TLL1: variants seen among roughly 807,000 people sequenced by gnomAD.
The protein encoded by TLL1 is tolloid-like protein 1.
A neutral mutation model predicts 128.2 loss-of-function variants in TLL1; 49 were observed. The observed-to-expected ratio is 0.38, with a 90% CI of 0.30 to 0.48. TLL1 has a LOEUF of 0.48. Ranked by LOEUF, TLL1 falls within the 20% of genes least tolerant of loss-of-function variation. TLL1 has a pLI of 0.96. For missense variants in TLL1, 1,123 were observed against 1,242.0 expected (o/e 0.90, Z 1.44); for synonymous variants, 454 against 418.8 (o/e 1.08, Z -1.03).
intron 1 of TLL1, among the ~76,000 whole-genome samples, chr4:165,940,514 C>T (rs1733957110): frequency 6.6e-6 from 1 of 151,896 alleles, no homozygotes; most frequent in African/African-American, 2.4e-5. Context: ...CACACACTGA[C>T]ACATATATAT....
intron 8 of TLL1, among the ~76,000 whole-genome samples, chr4:166,020,642 A>G (rs1738178932): frequency 6.6e-6 from 1 of 152,004 alleles, no homozygotes; most frequent in Admixed American, 6.6e-5. Context: ...TAATTTAACT[A>G]TTCTTTTGTT....
intron 5 of TLL1, among the ~76,000 whole-genome samples, chr4:165,997,381 AT>A (rs1156233697): frequency 6.6e-6 from 1 of 152,162 alleles, no homozygotes; most frequent in Non-Finnish European, 1.5e-5. Context: ...ATCTAGTGTA[AT>A]TGTTCATTGA....
Position 165,903,195 on chromosome 4 carries a change from G to A in TLL1, c.169+29122G>A, listed in dbSNP as rs186305537. Among the ~76,000 whole-genome samples the A allele has an allele frequency of 3.1e-3, 464 of 151,996 alleles. 2 individuals are homozygous for A. Among genetic ancestry groups the A allele is most frequent in the African/African-American group, 0.011 (447 of 41,508 alleles). On this transcript the variant is annotated intron_variant, in intron 1 of 20. Coordinates refer to ENST00000061240, the MANE Select transcript of TLL1 (RefSeq NM_012464.5). ...CTCTAGTAAAATACAAAAATTAGCT[G>A]GGTGTGGTGGTGCATGCCCGTGGTC...
At chr4:165,940,611 A>T (rs1733962484) in intron 1 of TLL1, among the ~76,000 whole-genome samples, 1 of 152,006 alleles carries the variant, frequency 6.6e-6, no homozygotes, top group Non-Finnish European at 1.5e-5. Flanking sequence ...TTATTTCTTA[A>T]TTGTTCAAAA....
chr4:165,990,624 G>A (rs1295608702), intron 2 of TLL1, among the ~76,000 whole-genome samples: 5 of 151,852 alleles, frequency 3.3e-5, no homozygotes, highest in Middle Eastern at 3.4e-3. Context: ...ACATGCATAC[G>A]TGTGTTTAAA....
intron 1 of TLL1, among the ~76,000 whole-genome samples, chr4:165,984,212 G>A (rs1736294122): frequency 6.6e-6 from 1 of 151,624 alleles, no homozygotes; most frequent in Non-Finnish European, 1.5e-5. Flanking sequence ...AAATATGTTT[G>A]TATTTATTTT....
At chr4:165,891,118 G>T (rs541160581) in intron 1 of TLL1, among the ~76,000 whole-genome samples, 2 of 152,276 alleles carry the variant, frequency 1.3e-5, no homozygotes, top group South Asian at 4.1e-4. Context: ...TCAGATGCAA[G>T]TCACTAAGTG....
intron 1 of TLL1, among the ~76,000 whole-genome samples, chr4:165,918,402 G>T (rs1287725744): frequency 6.6e-6 from 1 of 152,022 alleles, no homozygotes; most frequent in Non-Finnish European, 1.5e-5. Flanking sequence ...AACACTTGCT[G>T]CACGTTAAAA....
chr4:165,995,373 A>G (rs925085570), intron 5 of TLL1, among the ~76,000 whole-genome samples, 195 bp downstream of exon 5: 1 of 152,156 alleles, frequency 6.6e-6, no homozygotes, highest in Non-Finnish European at 1.5e-5. Context: ...ATCTACTGCA[A>G]GTGTATTCTT....
At chr4:166,041,980 A>G (rs368837990) in intron 10 of TLL1, 47 bp from the exon 11 acceptor site, 10 of 1,294,830 alleles carry the variant, frequency 7.7e-6, no homozygotes, top group African/African-American at 1.5e-5. Context: ...AACGTAGAAT[A>G]TAGAGTCCTA....
chr4:165,980,012 C>T (rs143684579), intron 1 of TLL1, among the ~76,000 whole-genome samples: 5 of 152,170 alleles, frequency 3.3e-5, no homozygotes, highest in African/African-American at 9.6e-5. Flanking sequence ...CAGGGTAAAA[C>T]GACAGTTTCA....
chr4:166,073,446 G>A (rs900331090), intron 16 of TLL1, among the ~76,000 whole-genome samples: 6 of 151,660 alleles, frequency 4.0e-5, no homozygotes, highest in South Asian at 2.1e-4. Context: ...TCTACATTTC[G>A]GTGTTTGATG....
chr4:165,894,277 A>C (rs1460060), intron 1 of TLL1, among the ~76,000 whole-genome samples: 46,558 of 152,040 alleles, frequency 0.31, 7,487 homozygotes, highest in East Asian at 0.51. Flanking sequence ...AAGTTGATTA[A>C]ATTCAGTGAT....
rs1360292272 is a variant in TLL1, at chr4:166,039,400, T to C, written c.1220T>C (p.Ile407Thr). 5.6e-6 allele frequency: 9 copies of C among 1,613,316 alleles called. No homozygotes were observed. The highest frequency in any genetic ancestry group is 4.0e-5 in the African/African-American group (3 of 74,898). Residue 407 changes from isoleucine (I) to threonine (T), a missense_variant, in exon 10 of 21, where the codon ATT becomes ACT. By Grantham distance (89) the Ile-to-Thr change is moderately conservative. Coordinates refer to ENST00000061240, the MANE Select transcript of TLL1 (RefSeq NM_012464.5). ...YKSSLCWYDY[I>T]EVRDGYWRKS... is the part of the protein sequence containing the mutation. ...AGTAGTTTGTGCTGGTATGACTATA[T>C]TGAAGTAAGAGACGGGTACTGGAGA... is the stretch of plus-strand genomic sequence containing the variant.
chr4:165,982,004 G>A (rs1051301088), intron 1 of TLL1, among the ~76,000 whole-genome samples: 1 of 151,914 alleles, frequency 6.6e-6, no homozygotes, highest in African/African-American at 2.4e-5. Context: ...TTTCTGACGC[G>A]GAATAATTTT....
chr4:166,027,947 C>A (rs1560821262), intron 9 of TLL1, among the ~76,000 whole-genome samples: 2 of 152,004 alleles, frequency 1.3e-5, no homozygotes, highest in Non-Finnish European at 2.9e-5. Context: ...AAGAAAAAAT[C>A]TATCATCTAT....
chr4:166,090,993 A>T, intron 18 of TLL1, 135 bp from the exon 19 acceptor site: 1 of 667,260 alleles, frequency 1.5e-6, no homozygotes, highest in Non-Finnish European at 2.5e-6. Context: ...CACCTTTCTT[A>T]ATTATGCTGT....
chr4:166,021,607 A>G (rs1489237018), intron 8 of TLL1, among the ~76,000 whole-genome samples: 1 of 151,788 alleles, frequency 6.6e-6, no homozygotes, highest in African/African-American at 2.4e-5. Flanking sequence ...TAAATTTTGT[A>G]TTTTTAGTAG....
At chr4:166,050,766 A>G (rs1739681964) in intron 12 of TLL1, among the ~76,000 whole-genome samples, 1 of 152,178 alleles carries the variant, frequency 6.6e-6, no homozygotes, top group Non-Finnish European at 1.5e-5. Flanking sequence ...TGGCAGGTTT[A>G]GAATGAGAGG....
Sources: gnomAD v4.1 joint callset for allele counts (sites outside exome capture counted in the v4.1 genomes callset) on GRCh38, gnomAD v4.1.1 for gene constraint, MANE v1.5 for transcripts, NCBI Gene and HGNC (gene_info 2026-07-23, HGNC 2026-07-21) for gene names.